The following NPAS3 variants were observed in gnomAD, a reference collection of about 807,000 sequenced individuals.
NPAS3 encodes neuronal PAS domain-containing protein 3.
Under a neutral mutation model 73.1 loss-of-function variants are expected in NPAS3, and 14 were observed. That is an observed-to-expected ratio of 0.19 (90% CI 0.13 to 0.30). The LOEUF (loss-of-function observed/expected upper bound fraction) is 0.30, where lower values mean the gene tolerates loss of function less well. NPAS3 is among the 10% of genes least tolerant of loss of function. The pLI is 1.00. For synonymous variants in NPAS3, 620 were observed against 541.5 expected, an observed-to-expected ratio of 1.14 and a Z score of -2.01; for missense variants, 1,096 against 1,250.0, an observed-to-expected ratio of 0.88 and a Z score of 1.86.
At chr14:33,075,930 ATGTG>A (rs2041642541) in intron 2 of NPAS3, among the ~76,000 whole-genome samples, 1 of 152,146 alleles carries the variant, frequency 6.6e-6, no homozygotes, top group Non-Finnish European at 1.5e-5. Context: ...TCTCAATTCT[ATGTG>A]TCTGTTTTTA....
intron 1 of NPAS3, among the ~76,000 whole-genome samples, chr14:32,940,774 T>TA (rs1286686861): frequency 1.3e-5 from 2 of 152,258 alleles, no homozygotes; most frequent in Middle Eastern, 3.2e-3. Flanking sequence ...TCCATTCATT[T>TA]AAAAGGCTTC....
intron 3 of NPAS3, among the ~76,000 whole-genome samples, chr14:33,249,824 A>G (rs752984336): frequency 6.6e-6 from 1 of 151,988 alleles, no homozygotes; most frequent in Non-Finnish European, 1.5e-5. Flanking sequence ...CCTTGCGTTT[A>G]TGCTTTTTGA....
At chr14:33,081,159 G>A (rs1481968656) in intron 2 of NPAS3, among the ~76,000 whole-genome samples, 1 of 152,116 alleles carries the variant, frequency 6.6e-6, no homozygotes, top group African/African-American at 2.4e-5. Flanking sequence ...ATGATATTGG[G>A]CGTGTTCAGG....
intron 7 of NPAS3, among the ~76,000 whole-genome samples, chr14:33,739,159 T>C (rs761325205): frequency 3.9e-5 from 6 of 152,080 alleles, no homozygotes; most frequent in Non-Finnish European, 7.4e-5. Flanking sequence ...ATGCTCGGAG[T>C]GTCTTCAAAC....
intron 4 of NPAS3, among the ~76,000 whole-genome samples, chr14:33,419,380 T>C (rs948752302): frequency 1.2e-4 from 19 of 152,054 alleles, no homozygotes; most frequent in African/African-American, 4.6e-4. Context: ...ATATTTTATA[T>C]AGAGGCATGC....
chr14:33,264,779 C>G (rs2049109489), intron 3 of NPAS3, among the ~76,000 whole-genome samples: 2 of 152,126 alleles, frequency 1.3e-5, no homozygotes, highest in African/African-American at 4.8e-5. Flanking sequence ...TCTGAGCCAT[C>G]AGGCCCAGTG....
At chr14:33,161,650 A>G (rs1272525874) in intron 2 of NPAS3, among the ~76,000 whole-genome samples, 1 of 152,204 alleles carries the variant, frequency 6.6e-6, no homozygotes, top group Non-Finnish European at 1.5e-5. Context: ...GGCTTCCTCC[A>G]TGGTTTAAGA....
At chr14:33,110,708 G>A (rs927760) in intron 2 of NPAS3, among the ~76,000 whole-genome samples, 70,643 of 151,898 alleles carry the variant, frequency 0.47, 17,005 homozygotes, top group African/African-American at 0.57. Flanking sequence ...TTTTCCTACT[G>A]CTTCCTGGGA....
At chr14:33,464,098 C>T (rs536654229) in intron 4 of NPAS3, among the ~76,000 whole-genome samples, 28 of 152,216 alleles carry the variant, frequency 1.8e-4, no homozygotes, top group Admixed American at 5.2e-4. Flanking sequence ...CATGATATCC[C>T]AAAACAGTTA....
intron 4 of NPAS3, among the ~76,000 whole-genome samples, chr14:33,450,458 A>C (rs565703732): frequency 4.6e-5 from 7 of 152,318 alleles, no homozygotes; most frequent in African/African-American, 1.7e-4. Context: ...TAGTCTCCCA[A>C]ACTATTTTTT....
intron 4 of NPAS3, among the ~76,000 whole-genome samples, chr14:33,406,959 G>A (rs1333089234): frequency 6.6e-6 from 1 of 152,104 alleles, no homozygotes; most frequent in African/African-American, 2.4e-5. Context: ...AGTTCAAAGG[G>A]CCTGGTAATT....
chr14:33,133,344 A>T (rs955302635), intron 2 of NPAS3, among the ~76,000 whole-genome samples: 13 of 152,186 alleles, frequency 8.5e-5, no homozygotes, highest in Non-Finnish European at 1.9e-4. Flanking sequence ...TGAGACATGA[A>T]ACTTGATAAA....
chr14:33,136,323 T>C (rs767887764), intron 2 of NPAS3, among the ~76,000 whole-genome samples: 2 of 151,618 alleles, frequency 1.3e-5, no homozygotes, highest in Non-Finnish European at 2.9e-5. Context: ...CCTCCCAAAG[T>C]GCTGCGATTA....
rs188647216 is a variant in NPAS3, at chr14:33,438,809, G to T, written c.468+71541G>T. Among the ~76,000 whole-genome samples the T allele has an allele frequency of 2.6e-4, 40 of 152,206 alleles. No homozygotes were observed. In the East Asian group the frequency reaches 6.4e-3, roughly 24 times the overall value. ...CAATACGTAAAAATTTTCCACGTTG[G>T]TTAATAGATGACAGAGATGAAATGA... On this transcript the variant is annotated intron_variant, in intron 4 of 11. Coordinates refer to ENST00000356141, the Ensembl canonical transcript of NPAS3.
At chr14:33,030,028 C>G (rs2039935676) in intron 1 of NPAS3, among the ~76,000 whole-genome samples, 1 of 152,126 alleles carries the variant, frequency 6.6e-6, no homozygotes, top group Non-Finnish European at 1.5e-5. Flanking sequence ...TTTGGCAATG[C>G]TTAATAAATG....
intron 2 of NPAS3, among the ~76,000 whole-genome samples, chr14:33,094,197 A>G (rs2042327820): frequency 6.6e-6 from 1 of 151,952 alleles, no homozygotes; most frequent in South Asian, 2.1e-4. Context: ...CCATCTATTT[A>G]TTTTCATCTA....
chr14:32,992,972 T>G (rs2038396292), intron 1 of NPAS3, among the ~76,000 whole-genome samples: 1 of 151,964 alleles, frequency 6.6e-6, no homozygotes, highest in Admixed American at 6.6e-5. Context: ...CTGGCCAACA[T>G]GGTGAAACCC....
chr14:33,758,935 C>A (rs888657142), intron 7 of NPAS3, among the ~76,000 whole-genome samples: 2 of 152,184 alleles, frequency 1.3e-5, no homozygotes, highest in South Asian at 2.1e-4. Context: ...GTTAAACTTG[C>A]CAGCTTTTGA....
intron 1 of NPAS3, among the ~76,000 whole-genome samples, chr14:32,964,135 G>A (rs192641762): frequency 4.6e-4 from 53 of 115,432 alleles, no homozygotes; most frequent in Admixed American, 4.0e-3. Flanking sequence ...TTTCTTCAGC[G>A]CTTTTGTTCT....
Sources: gnomAD v4.1 joint callset for allele counts (sites outside exome capture counted in the v4.1 genomes callset) on GRCh38, gnomAD v4.1.1 for gene constraint, MANE v1.5 for transcripts, NCBI Gene and HGNC (gene_info 2026-07-23, HGNC 2026-07-21) for gene names.